PTPN21: variants seen among roughly 807,000 people sequenced by gnomAD.
PTPN21 encodes protein tyrosine phosphatase non-receptor type 21.
Under a neutral mutation model 131.8 loss-of-function variants are expected in PTPN21, and 77 were observed. The ratio of observed to expected loss-of-function variants is 0.58; its 90% CI spans 0.49 to 0.71. PTPN21 has a LOEUF of 0.71. PTPN21 is among the 30% of genes least tolerant of loss of function. The probability of loss-of-function intolerance (pLI) is 0.00; values close to 1 mark genes in which losing one functional copy is unlikely to be tolerated. For missense variants in PTPN21, 1,552 were observed against 1,527.1 expected (o/e 1.02, Z -0.27); for synonymous variants, 715 against 621.3 (o/e 1.15, Z -2.24).
intron 13 of PTPN21, among the ~76,000 whole-genome samples, chr14:88,478,600 A>G (rs1382761465): frequency 6.6e-6 from 1 of 152,200 alleles, no homozygotes; most frequent in Non-Finnish European, 1.5e-5. Flanking sequence ...TAAAGTAATG[A>G]AATCTTAACT....
intron 6 of PTPN21, 127 bp downstream of exon 6, chr14:88,504,298 C>A (rs1595377187): frequency 5.6e-6 from 4 of 720,704 alleles, no homozygotes; most frequent in Non-Finnish European, 2.4e-6. Context: ...ATAGTAGTGG[C>A]AGTAATGTTC....
Position 88,466,932 on chromosome 14 carries a change from C to T in PTPN21, c.*1205G>A, listed in dbSNP as rs1292454976. The T allele has an allele frequency of 6.6e-6, 1 of 152,102 alleles. No individual in the cohort carries two copies. The highest frequency in any genetic ancestry group is 2.4e-5 in the African/African-American group (1 of 41,416). The allele number at this position is 152,102 out of a possible 1,614,324, so 9.4% of individuals were successfully genotyped here. ...CTCTTTAAGGCTTCTTTTAATGATA[C>T]TATAATGCTGAATTTATTTATGAAA... On this transcript the variant is annotated 3_prime_UTR_variant, in exon 19 of 19. Coordinates refer to ENST00000556564, the MANE Select transcript of PTPN21 (RefSeq NM_007039.4).
chr14:88,533,452 A>G (rs556771422), intron 2 of PTPN21, among the ~76,000 whole-genome samples: 2 of 152,362 alleles, frequency 1.3e-5, no homozygotes, highest in South Asian at 2.1e-4. Context: ...AAACAAACCT[A>G]TCGTGCTACC....
intron 10 of PTPN21, among the ~76,000 whole-genome samples, chr14:88,495,040 GAAGAGTGTC>G (rs1489849505): frequency 7.6e-5 from 3 of 39,604 alleles, no homozygotes; most frequent in Non-Finnish European, 1.1e-4. Flanking sequence ...AAAAAAAAAA[GAAGAGTGTC>G]AGTGTCAGGA....
At chr14:88,534,094 G>A (rs951627380) in intron 2 of PTPN21, among the ~76,000 whole-genome samples, 3 of 152,064 alleles carry the variant, frequency 2.0e-5, no homozygotes, top group Non-Finnish European at 2.9e-5. Flanking sequence ...AAAAGTGGCC[G>A]GGCACGGTGG....
At chr14:88,551,074 C>A (rs1176920359) in intron 1 of PTPN21, among the ~76,000 whole-genome samples, 1 of 152,172 alleles carries the variant, frequency 6.6e-6, no homozygotes. Context: ...AGAAAATTAA[C>A]CCTGAAGGCA....
In PTPN21 at chr14:88,473,737, T is replaced by A; in HGVS notation, c.2577A>T (p.Gly859=). Residue 859 remains glycine (G), a synonymous_variant, in exon 14 of 19, where the codon GGA becomes GGT. Coordinates refer to ENST00000556564, the MANE Select transcript of PTPN21 (RefSeq NM_007039.4). The stretch of plus-strand genomic sequence containing the variant: ...GCAGAGGCACTCGAGATAGGGAGAG[T>A]CCATTTAGGGCAGCCAGTTTAAGAG... ...IGPLKLAALN[G]LSLSRVPLPD... is the part of the protein sequence containing the mutation. The A allele has an allele frequency of 6.2e-7, 1 of 1,608,154 alleles. No homozygotes were observed. Among genetic ancestry groups the A allele is most frequent in the African/African-American group, 1.4e-5 (1 of 73,788 alleles).
At chr14:88,533,430 T>C (rs2078580913) in intron 2 of PTPN21, among the ~76,000 whole-genome samples, 2 of 152,236 alleles carry the variant, frequency 1.3e-5, no homozygotes, top group African/African-American at 2.4e-5. Flanking sequence ...ATGTCTGTAG[T>C]GATGCTGGTA....
chr14:88,526,792 T>C (rs1374463881), intron 2 of PTPN21, among the ~76,000 whole-genome samples: 1 of 152,116 alleles, frequency 6.6e-6, no homozygotes, highest in East Asian at 1.9e-4. Context: ...TGTAGTCTTT[T>C]ATCATTCACC....
At chr14:88,541,007 G>A (rs2078697646) in intron 2 of PTPN21, among the ~76,000 whole-genome samples, 1 of 151,950 alleles carries the variant, frequency 6.6e-6, no homozygotes, top group Non-Finnish European at 1.5e-5. Context: ...CTCAGCATGA[G>A]ATTACCCGTA....
Position 88,499,990 on chromosome 14 carries a change from T to C in PTPN21, c.764+793A>G, listed in dbSNP as rs1345951595. On this transcript the variant is annotated intron_variant, in intron 8 of 18. Transcript: ENST00000556564. The stretch of plus-strand genomic sequence containing the variant: ...TATATTCTTTCCAACTTGCTTCACA[T>C]TCCAAGATTTCCACAAATGAATAGT... Among the ~76,000 whole-genome samples the C allele has an allele frequency of 2.0e-5, 3 of 152,362 alleles. No individual in the cohort carries two copies. In the East Asian group the frequency reaches 5.8e-4, roughly 29 times the overall value.
intron 2 of PTPN21, among the ~76,000 whole-genome samples, chr14:88,546,092 T>C (rs1415538514): frequency 2.0e-5 from 3 of 152,082 alleles, no homozygotes; most frequent in Non-Finnish European, 4.4e-5. Context: ...ATTGGATACA[T>C]GTATATTAAC....
intron 8 of PTPN21, among the ~76,000 whole-genome samples, chr14:88,500,027 T>C (rs150259414): frequency 4.6e-5 from 7 of 152,338 alleles, no homozygotes; most frequent in Admixed American, 4.6e-4. Context: ...TCTTTTTTTA[T>C]ATCAGCAAAA....
intron 3 of PTPN21, among the ~76,000 whole-genome samples, chr14:88,516,308 T>A (rs1255340271): frequency 6.6e-6 from 1 of 151,910 alleles, no homozygotes; most frequent in East Asian, 1.9e-4. Context: ...TAAATACATG[T>A]GAGAGAAAGA....
At chr14:88,478,343 A>G (rs1426261498) in intron 13 of PTPN21, among the ~76,000 whole-genome samples, 1 of 152,186 alleles carries the variant, frequency 6.6e-6, no homozygotes, top group East Asian at 1.9e-4. Context: ...AAATTTAAGA[A>G]ACCTGGACGT....
Position 88,480,172 on chromosome 14 carries a change from C to T in PTPN21, c.1259G>A (p.Ser420Asn). The change falls in exon 13 of 19, where the codon AGC becomes AAC. Residue 420 changes from serine to asparagine, a missense_variant. This residue lies in a region of PTPN21 where 1,016 missense variants were observed against 883.5 expected (regional missense o/e 1.15). Transcript: ENST00000556564. Reference protein sequence around the residue: ...LQPSPMSSNPSITGSDVMRPD... With the variant: ...LQPSPMSSNPNITGSDVMRPD... Reference sequence around the variant, plus strand: ...CCTCATGACGTCACTCCCGGTGATGCTAGGGTTGGACGACATCGGCGAGGG... The same window carrying T: ...CCTCATGACGTCACTCCCGGTGATGTTAGGGTTGGACGACATCGGCGAGGG... 6.2e-7 allele frequency: 1 copy of T among 1,614,018 alleles called. No homozygotes were observed. Among genetic ancestry groups the T allele is most frequent in the Non-Finnish European group, 8.5e-7 (1 of 1,179,956 alleles).
intron 3 of PTPN21, chr14:88,513,861 G>A (rs187051610): frequency 1.3e-4 from 20 of 152,320 alleles, no homozygotes; most frequent in African/African-American, 4.3e-4. Context: ...GGCATGAAGT[G>A]TTTTTCCAGA....
chr14:88,493,046 C>T lies in PTPN21; in HGVS notation c.932+3367G>A, dbSNP rs114204179. The T allele has an allele frequency of 3.8e-3, 1,725 of 456,142 alleles. 36 individuals carry two copies. The highest frequency in any genetic ancestry group is 0.03 in the African/African-American group (1,504 of 50,172). 28.3% of individuals were successfully genotyped at this position (456,142 alleles called of 1,614,324 possible). A position where few individuals can be genotyped will look rare whatever the true frequency, so the allele number is the denominator to read the frequency against. ...AGCACAGCGGCTAAGAGCACAGGCTCGAGTCTTGCTGCTCCACTTACTAGT... is the reference window on the plus strand; with the variant it reads ...AGCACAGCGGCTAAGAGCACAGGCTTGAGTCTTGCTGCTCCACTTACTAGT... On this transcript the variant is annotated intron_variant, in intron 10 of 18. Transcript: ENST00000556564.
At chr14:88,538,912 C>G (rs923319212) in intron 2 of PTPN21, among the ~76,000 whole-genome samples, 1 of 152,176 alleles carries the variant, frequency 6.6e-6, no homozygotes, top group African/African-American at 2.4e-5. Flanking sequence ...AAAGCACTTA[C>G]AAAAGTGTCT....
Sources: allele counts gnomAD v4.1 joint callset (sites outside exome capture counted in the v4.1 genomes callset), GRCh38; gene constraint gnomAD v4.1.1; regional missense constraint gnomAD v4.1.1; transcripts MANE v1.5; gene names NCBI Gene and HGNC (gene_info 2026-07-23, HGNC 2026-07-21).